SLC16A7: variants seen among roughly 807,000 people sequenced by gnomAD.
SLC16A7 encodes the protein solute carrier family 16 member 7, also known as monocarboxylate transporter 2.
Under a neutral mutation model 34.9 loss-of-function variants are expected in SLC16A7, and 33 were observed. That is an observed-to-expected ratio of 0.94 (90% CI 0.72 to 1.26). The LOEUF (loss-of-function observed/expected upper bound fraction) is 1.26. Ranked by LOEUF, SLC16A7 falls within the 50% of genes most tolerant of loss-of-function variation. The probability of loss-of-function intolerance (pLI) is 0.00; values close to 1 mark genes in which losing one functional copy is unlikely to be tolerated. For missense variants in SLC16A7, 573 were observed against 578.1 expected (o/e 0.99, Z 0.09); for synonymous variants, 201 against 206.6 (o/e 0.97, Z 0.23).
chr12:59,606,818 T>TTG (rs375081409), intron 1 of SLC16A7, among the ~76,000 whole-genome samples: 1 of 151,890 alleles, frequency 6.6e-6, no homozygotes, highest in Non-Finnish European at 1.5e-5. Context: ...TTTAGAGATA[T>TTG]TGTGTGTGTG....
intron 3 of SLC16A7, among the ~76,000 whole-genome samples, chr12:59,717,128 T>C (rs898078927): frequency 4.6e-5 from 7 of 152,292 alleles, no homozygotes; most frequent in Middle Eastern, 3.4e-3. Flanking sequence ...TCTTTCTCAA[T>C]GTTTCAGATT....
chr12:59,750,034 C>T (rs1025763448), intron 3 of SLC16A7, among the ~76,000 whole-genome samples: 9 of 152,106 alleles, frequency 5.9e-5, no homozygotes, highest in Non-Finnish European at 7.4e-5. Flanking sequence ...GAAACTGGAC[C>T]TCTTCTTTAC....
Position 59,632,939 on chromosome 12 carries a change from C to T in SLC16A7, c.-129-22213C>T, listed in dbSNP as rs11173104. ...TGAATTAATGGGCTGATGAGTGTTG[C>T]GTTAGGGAGAATTGAGGATTGTGTG... On this transcript the variant is annotated intron_variant, in intron 1 of 5. Transcript: ENST00000547379. Among the ~76,000 whole-genome samples, 711 of 151,840 alleles carry T rather than the reference C, an allele frequency of 4.7e-3. 4 individuals carry two copies. Among genetic ancestry groups the T allele is most frequent in the Middle Eastern group, 0.024 (7 of 294 alleles).
intron 2 of SLC16A7, among the ~76,000 whole-genome samples, chr12:59,665,240 T>C (rs1488635768): frequency 1.3e-5 from 2 of 152,070 alleles, no homozygotes; most frequent in African/African-American, 4.8e-5. Flanking sequence ...ATCATAATTA[T>C]TTAAAATAAT....
intron 1 of SLC16A7, among the ~76,000 whole-genome samples, chr12:59,638,370 T>G (rs1005053875): frequency 6.6e-6 from 1 of 152,096 alleles, no homozygotes; most frequent in Admixed American, 6.6e-5. Context: ...TGTGATTCAC[T>G]TTGGGAAAGT....
chr12:59,640,041 A>G lies in SLC16A7; in HGVS notation c.-129-15111A>G, dbSNP rs142080597. Among the ~76,000 whole-genome samples the G allele has an allele frequency of 9.1e-4, 138 of 152,268 alleles. 4 individuals are homozygous for G. Among genetic ancestry groups the G allele is most frequent in the Middle Eastern group, 3.4e-3 (1 of 294 alleles). On this transcript the variant is annotated intron_variant, in intron 1 of 5. Transcript: ENST00000547379. Reference sequence around the variant, plus strand: ...ATTTTCTTATAGTTACCAGTTTATTATAAAGGATATAACTCAGAAATAGTC... The same window carrying G: ...ATTTTCTTATAGTTACCAGTTTATTGTAAAGGATATAACTCAGAAATAGTC...
chr12:59,675,618 AG>A (rs1870244489), intron 2 of SLC16A7, among the ~76,000 whole-genome samples: 1 of 152,236 alleles, frequency 6.6e-6, no homozygotes, highest in African/African-American at 2.4e-5. Flanking sequence ...ATGTTAAAAG[AG>A]GAAGATACAG....
At chr12:59,762,555 A>T (rs928851736) in intron 3 of SLC16A7, among the ~76,000 whole-genome samples, 2 of 152,146 alleles carry the variant, frequency 1.3e-5, no homozygotes, top group African/African-American at 4.8e-5. Context: ...GAACTAAAAA[A>T]GGTCTAAAAA....
At chr12:59,688,533 G>A (rs946487966) in intron 2 of SLC16A7, among the ~76,000 whole-genome samples, 2 of 152,036 alleles carry the variant, frequency 1.3e-5, no homozygotes, top group Non-Finnish European at 2.9e-5. Context: ...ATATTAAATT[G>A]TTAAGTGTCT....
chr12:59,611,993 A>G (rs921762351), intron 1 of SLC16A7, among the ~76,000 whole-genome samples: 2 of 152,214 alleles, frequency 1.3e-5, no homozygotes, highest in Non-Finnish European at 2.9e-5. Flanking sequence ...TTCCAGGCAC[A>G]TGGTGCAAGC....
rs376864169 is a variant in SLC16A7 at position 59,687,333 on chromosome 12, T to C, written c.-30-17439T>C. On this transcript the variant is annotated intron_variant, in intron 2 of 5. Transcript: ENST00000547379. ...CCTTATTGCTTCCATAGTAACCTTCTAAATGTAGCTAATTACCACCAACTC... is the reference window on the plus strand; with the variant it reads ...CCTTATTGCTTCCATAGTAACCTTCCAAATGTAGCTAATTACCACCAACTC... 1.4e-3 allele frequency among the ~76,000 whole-genome samples: 210 copies of C among 152,208 alleles called. 1 individual carries two copies. Among genetic ancestry groups the C allele is most frequent in the Middle Eastern group, 6.8e-3 (2 of 294 alleles).
chr12:59,754,554 C>G (rs1473234310), intron 3 of SLC16A7, among the ~76,000 whole-genome samples: 1 of 152,070 alleles, frequency 6.6e-6, no homozygotes, highest in Non-Finnish European at 1.5e-5. Flanking sequence ...AAGACTAAAC[C>G]AGGAAGAAGT....
chr12:59,677,335 G>A (rs1870394713), intron 2 of SLC16A7, among the ~76,000 whole-genome samples: 1 of 152,094 alleles, frequency 6.6e-6, no homozygotes. Flanking sequence ...TTTTTTTAAG[G>A]AGCTCTGAAA....
chr12:59,622,250 C>G lies in SLC16A7; in HGVS notation c.-130+26014C>G, dbSNP rs550797127. On this transcript the variant is annotated intron_variant, in intron 1 of 5. Transcript: ENST00000547379. ...GGGCTTCTGTGTAAGCCACTGTAGTCTTTCTTCCAGGCTGAAAAAACGTAG... is the reference window on the plus strand; with the variant it reads ...GGGCTTCTGTGTAAGCCACTGTAGTGTTTCTTCCAGGCTGAAAAAACGTAG... 1.9e-4 allele frequency among the ~76,000 whole-genome samples: 29 copies of G among 151,976 alleles called. 2 individuals are homozygous for G. Among genetic ancestry groups the G allele is most frequent in the African/African-American group, 6.5e-4 (27 of 41,526 alleles).
At chr12:59,602,858 G>A (rs1392182396) in intron 1 of SLC16A7, among the ~76,000 whole-genome samples, 1 of 152,048 alleles carries the variant, frequency 6.6e-6, no homozygotes, top group Admixed American at 6.6e-5. Context: ...CACCTCAGTA[G>A]GAATAACTCC....
intron 1 of SLC16A7, among the ~76,000 whole-genome samples, chr12:59,622,805 A>G (rs1377579992): frequency 1.3e-5 from 2 of 151,806 alleles, no homozygotes; most frequent in Non-Finnish European, 2.9e-5. Flanking sequence ...AGTGTGACTG[A>G]GTAGCCGAAT....
intron 3 of SLC16A7, among the ~76,000 whole-genome samples, chr12:59,710,155 G>T (rs1160794994): frequency 6.7e-6 from 1 of 148,692 alleles, no homozygotes; most frequent in Non-Finnish European, 1.5e-5. Flanking sequence ...TTAGAGAAGA[G>T]GTATCCTTTG....
At chr12:59,750,526 G>T (rs1194983097) in intron 3 of SLC16A7, among the ~76,000 whole-genome samples, 1 of 152,174 alleles carries the variant, frequency 6.6e-6, no homozygotes, top group Admixed American at 6.5e-5. Context: ...TCTCATGCCA[G>T]TTAGAATGAC....
chr12:59,602,479 C>CTTTTTTTTTT (rs34035713), intron 1 of SLC16A7, among the ~76,000 whole-genome samples: 3 of 80,280 alleles, frequency 3.7e-5, no homozygotes, highest in East Asian at 4.2e-4. Flanking sequence ...GTGTTTTGGG[C>CTTTTTTTTTT]TTTTTTTTTT....
Sources: allele counts gnomAD v4.1 joint callset (sites outside exome capture counted in the v4.1 genomes callset), GRCh38; gene constraint gnomAD v4.1.1; transcripts MANE v1.5; gene names NCBI Gene and HGNC (gene_info 2026-07-23, HGNC 2026-07-21).